The following LZTFL1 variants were observed in gnomAD, a reference collection of about 807,000 sequenced individuals.
LZTFL1 encodes the protein leucine zipper transcription factor like 1, also known as leucine zipper transcription factor-like protein 1.
In LZTFL1, 25 loss-of-function variants were observed where a neutral mutation model predicts 45.9. The ratio of observed to expected loss-of-function variants is 0.54; its 90% CI spans 0.40 to 0.76. LZTFL1 has a LOEUF of 0.76. LZTFL1 is among the 30% of genes least tolerant of loss of function. LZTFL1 has a pLI of 0.00. For missense variants in LZTFL1, 277 were observed against 331.1 expected (o/e 0.84, Z 1.27); for synonymous variants, 93 against 117.4 (o/e 0.79, Z 1.35).
intron 2 of LZTFL1, among the ~76,000 whole-genome samples, chr3:45,870,213 G>A (rs1701649784): frequency 6.6e-6 from 1 of 152,192 alleles, no homozygotes; most frequent in South Asian, 2.1e-4. Flanking sequence ...GTGGTTTGGG[G>A]TCAGGAAACC....
intron 4 of LZTFL1, among the ~76,000 whole-genome samples, chr3:45,849,964 C>T (rs1293441198): frequency 2.6e-5 from 4 of 152,224 alleles, no homozygotes; most frequent in Admixed American, 6.5e-5. Flanking sequence ...TAAGAGAAGC[C>T]GTGAAAACCA....
At chr3:45,842,267 T>C, upstream of LZTFL1, 3 of 1,077,184 alleles carry the variant, frequency 2.8e-6, no homozygotes, top group Non-Finnish European at 3.8e-6. Context: ...TTTGTGCCAG[T>C]TCACTTTTGG....
chr3:45,860,074 T>A (rs1254999335), intron 2 of LZTFL1, among the ~76,000 whole-genome samples: 1 of 151,752 alleles, frequency 6.6e-6, no homozygotes, highest in Non-Finnish European at 1.5e-5. Flanking sequence ...AAAAGAAAAA[T>A]TTAATGTAGA....
intron 2 of LZTFL1, among the ~76,000 whole-genome samples, chr3:45,868,660 G>A (rs369089368): frequency 6.6e-6 from 1 of 152,164 alleles, no homozygotes; most frequent in Non-Finnish European, 1.5e-5. Context: ...AGTGGTAGGG[G>A]GGGTAAACCC....
intron 2 of LZTFL1, among the ~76,000 whole-genome samples, chr3:45,904,463 T>G (rs1182467807): frequency 1.3e-5 from 2 of 152,174 alleles, no homozygotes; most frequent in Admixed American, 6.5e-5. Flanking sequence ...GCCTTGTGAG[T>G]TGCCCTGATT....
Position 45,900,878 on chromosome 3 carries a change from C to T in LZTFL1, c.-215+12242G>A, listed in dbSNP as rs779576023. 8 of 1,614,170 alleles carry T rather than the reference C, an allele frequency of 5.0e-6. No homozygotes were observed. Among genetic ancestry groups the T allele is most frequent in the Non-Finnish European group, 6.8e-6 (8 of 1,180,008 alleles). On this transcript the variant is annotated intron_variant, in intron 2 of 4. Coordinates refer to the LZTFL1 transcript ENST00000472635. The surrounding 1 kb of genome is among the most constrained non-coding windows in gnomAD (Gnocchi z 4.7). ...CATCTTCCATGGAAGACTACGTTAA[C>T]TTCAACTTCACTGACTTCTACTGTG...
intron 7 of LZTFL1, among the ~76,000 whole-genome samples, chr3:45,830,022 T>TA (rs1227969604): frequency 2.6e-5 from 4 of 152,240 alleles, no homozygotes; most frequent in Admixed American, 1.3e-4. Context: ...AAAGTAGAGG[T>TA]ACAAATGAAA....
intron 1 of LZTFL1, among the ~76,000 whole-genome samples, chr3:45,914,406 C>T (rs915372693): frequency 6.6e-6 from 1 of 152,052 alleles, no homozygotes; most frequent in African/African-American, 2.4e-5. Flanking sequence ...CCTCAGCCTC[C>T]CCAGTGGCTG....
chr3:45,907,060 C>A (rs1430611648), intron 2 of LZTFL1, among the ~76,000 whole-genome samples: 1 of 152,224 alleles, frequency 6.6e-6, no homozygotes, highest in Non-Finnish European at 1.5e-5. Context: ...AAGGGGCATG[C>A]AGACCTCTCA....
intron 2 of LZTFL1, among the ~76,000 whole-genome samples, chr3:45,904,046 C>T (rs1702631842): frequency 6.6e-6 from 1 of 152,158 alleles, no homozygotes; most frequent in Non-Finnish European, 1.5e-5. Flanking sequence ...TGGTGCTGAG[C>T]CTCACACAGG....
rs566987940 is a variant in LZTFL1 at position 45,900,717 on chromosome 3, G to T, written c.-215+12403C>A. Reference sequence around the variant, plus strand: ...CTTTGGCCTTATCATAGGTGTTTGGGGTTGGAAGGGTCAAGAGGTCCATGC... The same window carrying T: ...CTTTGGCCTTATCATAGGTGTTTGGTGTTGGAAGGGTCAAGAGGTCCATGC... On this transcript the variant is annotated intron_variant, in intron 2 of 4. Transcript: ENST00000472635. This position sits in a 1 kb window ranked among gnomAD's most constrained non-coding sequence, Gnocchi z 4.7. The T allele has an allele frequency of 1.1e-5, 14 of 1,302,716 alleles. No homozygotes were observed. The South Asian group carries it at 1.1e-4, about 10-fold the overall frequency. The allele number at this position is 1,302,716 out of a possible 1,614,324, so 80.7% of individuals were successfully genotyped here. A position where few individuals can be genotyped will look rare whatever the true frequency, so the allele number is the denominator to read the frequency against.
chr3:45,892,236 T>C (rs118080736), intron 2 of LZTFL1, among the ~76,000 whole-genome samples: 109 of 152,320 alleles, frequency 7.2e-4, no homozygotes, highest in East Asian at 7.1e-3. Flanking sequence ...CTTAAAAACA[T>C]ATGGGTATAA....
chr3:45,886,131 T>A (rs974266747), intron 2 of LZTFL1, among the ~76,000 whole-genome samples: 2 of 152,176 alleles, frequency 1.3e-5, no homozygotes, highest in Non-Finnish European at 2.9e-5. Context: ...CCAGAAAAGG[T>A]ATGTTGCGAT....
chr3:45,884,061 G>C (rs1389167362), intron 2 of LZTFL1: 2 of 181,392 alleles, frequency 1.1e-5, no homozygotes, highest in Non-Finnish European at 2.4e-5. Context: ...CAGGAACAGA[G>C]CTCAGCCTCC....
intron 2 of LZTFL1, among the ~76,000 whole-genome samples, chr3:45,890,334 T>A (rs1248701039): frequency 2.9e-5 from 2 of 70,070 alleles, no homozygotes; most frequent in African/African-American, 1.3e-4. Flanking sequence ...AATATATATA[T>A]AACATATATA....
chr3:45,854,481 C>T (rs973766645), intron 4 of LZTFL1: 1 of 153,116 alleles, frequency 6.5e-6, no homozygotes, highest in Non-Finnish European at 1.4e-5. Flanking sequence ...AGGAGAATCG[C>T]TTGAACCTGG....
chr3:45,870,509 ACTAT>A (rs1304179122), intron 2 of LZTFL1, among the ~76,000 whole-genome samples: 1 of 152,246 alleles, frequency 6.6e-6, no homozygotes, highest in Admixed American at 6.5e-5. Context: ...ACACAGAGAA[ACTAT>A]CTTTCTTCTT....
Position 45,868,797 on chromosome 3 carries a change from G to A in LZTFL1, c.-214-9781C>T, listed in dbSNP as rs148060386. Among the ~76,000 whole-genome samples the A allele has an allele frequency of 6.3e-3, 958 of 152,158 alleles. 13 individuals are homozygous for A. Among genetic ancestry groups the A allele is most frequent in the African/African-American group, 0.022 (907 of 41,500 alleles). Reference sequence around the variant, plus strand: ...TACATTGTCTCATCAAGCCCTTATGGTCCTTCTCTGTTTAGAAGGCTACCA... The same window carrying A: ...TACATTGTCTCATCAAGCCCTTATGATCCTTCTCTGTTTAGAAGGCTACCA... On this transcript the variant is annotated intron_variant, in intron 2 of 4. Transcript: ENST00000472635.
intron 1 of LZTFL1, among the ~76,000 whole-genome samples, chr3:45,915,128 T>A (rs938612150): frequency 6.6e-6 from 1 of 152,174 alleles, no homozygotes; most frequent in Non-Finnish European, 1.5e-5. Context: ...TGGTCCAGGC[T>A]TCCTTACATT....
Sources: allele counts gnomAD v4.1 joint callset (sites outside exome capture counted in the v4.1 genomes callset), GRCh38; gene constraint gnomAD v4.1.1; non-coding constraint Gnocchi (gnomAD v3.1); transcripts MANE v1.5; gene names NCBI Gene and HGNC (gene_info 2026-07-23, HGNC 2026-07-21).